GPR137: variants seen among roughly 807,000 people sequenced by gnomAD.
GPR137 encodes integral membrane protein GPR137.
In GPR137, 20 loss-of-function variants were observed where a neutral mutation model predicts 38.9. The observed-to-expected ratio is 0.51, with a 90% CI of 0.36 to 0.75. The LOEUF (loss-of-function observed/expected upper bound fraction) is 0.75, where lower values mean the gene tolerates loss of function less well. Among genes scored for constraint, GPR137 ranks in the 30% least tolerant of loss-of-function variants. The pLI, the probability that GPR137 is intolerant of heterozygous loss-of-function variation, is 0.00. For synonymous variants in GPR137, 226 were observed against 235.8 expected, an observed-to-expected ratio of 0.96 and a Z score of 0.38; for missense variants, 456 against 526.4, an observed-to-expected ratio of 0.87 and a Z score of 1.31.
intron 2 of GPR137, 33 bp downstream of exon 2, chr11:64,287,047 C>T (rs754380724): frequency 1.9e-6 from 3 of 1,607,204 alleles, no homozygotes; most frequent in Non-Finnish European, 2.5e-6. Flanking sequence ...GGCTCAGCCT[C>T]CAGGTCAGGG....
At position 64,288,279 on chromosome 11, in the gene GPR137, C is replaced by T. The variant is rs959622838; in HGVS notation, c.784-61C>T. 39 of 1,611,426 alleles carry T rather than the reference C, an allele frequency of 2.4e-5. 1 individual carries two copies. Among genetic ancestry groups the T allele is most frequent in the Non-Finnish European group, 3.1e-5 (37 of 1,178,944 alleles). ...GCACCTTGGCCCCAGCTGGCCTGGG[C>T]CCTGTCCCACTACCCCTTTGGCGTG... On this transcript the variant is annotated intron_variant, in intron 4 of 6. Coordinates refer to ENST00000438980, the MANE Select transcript of GPR137 (RefSeq NM_001170880.2). This position sits in a 1 kb window ranked among gnomAD's most constrained non-coding sequence, Gnocchi z 5.5.
At chr11:64,284,267 G>T, upstream of GPR137, 2 of 1,611,318 alleles carry the variant, frequency 1.2e-6, no homozygotes. Flanking sequence ...GATGCTTGCC[G>T]GAGCCTGAGG....
At chr11:64,279,798 C>T (rs2033318778), upstream of GPR137, among the ~76,000 whole-genome samples, 1 of 151,408 alleles carries the variant, frequency 6.6e-6, no homozygotes, top group Admixed American at 6.6e-5. Flanking sequence ...CCCTCTATCC[C>T]ACCCTCTAGG....
chr11:64,284,563 A>C, upstream of GPR137: 1 of 1,494,722 alleles, frequency 6.7e-7, no homozygotes, highest in Non-Finnish European at 8.9e-7. Flanking sequence ...TCAGGACCTC[A>C]GTCTCCCCTC....
At chr11:64,284,259 T>A (rs1315803367), upstream of GPR137, 1 of 1,611,272 alleles carries the variant, frequency 6.2e-7, no homozygotes, top group Admixed American at 1.7e-5. Flanking sequence ...CTGGCGATGA[T>A]GCTTGCCGGA....
At chr11:64,271,873 C>A (rs1264387144), upstream of GPR137, 120 of 1,242,912 alleles carry the variant, frequency 9.7e-5, no homozygotes. Context: ...CCTGCCTGAA[C>A]CCTCCCCATC....
upstream of GPR137, among the ~76,000 whole-genome samples, chr11:64,274,992 C>CAAAAAAAAAAAAA (rs34418386): frequency 1.1e-4 from 6 of 54,398 alleles, 1 homozygote; most frequent in African/African-American, 4.6e-4. Flanking sequence ...GACTTTGTCT[C>CAAAAAAAAAAAAA]AAAAAAAAAA....
chr11:64,285,603 T>A (rs1316280041), upstream of GPR137: 1 of 983,852 alleles, frequency 1.0e-6, no homozygotes, highest in Non-Finnish European at 1.2e-6. Flanking sequence ...CGGACCCCCA[T>A]ACAAGTAAAG....
intron 2 of GPR137, 96 bp downstream of exon 2, chr11:64,287,110 G>A: frequency 6.6e-7 from 1 of 1,521,384 alleles, no homozygotes; most frequent in Non-Finnish European, 8.9e-7. Context: ...CTGAGACAAA[G>A]GCAACCCAGG....
At chr11:64,273,265 C>G (rs1295750057), upstream of GPR137, among the ~76,000 whole-genome samples, 3 of 151,960 alleles carry the variant, frequency 2.0e-5, no homozygotes, top group African/African-American at 4.8e-5. Flanking sequence ...CCCAGCCACT[C>G]AGGAGGCTGA....
At chr11:64,284,856 C>T (rs543422577), upstream of GPR137, 2 of 1,495,644 alleles carry the variant, frequency 1.3e-6, no homozygotes, top group African/African-American at 1.4e-5. Context: ...CCTCCTTCGG[C>T]CCCGGGGCTC....
chr11:64,284,774 A>G, upstream of GPR137: 17 of 1,534,522 alleles, frequency 1.1e-5, no homozygotes, highest in Non-Finnish European at 1.5e-5. Flanking sequence ...GTAGGTCCAG[A>G]GGCGGGGTCA....
chr11:64,279,072 T>C (rs1175475266), intron 2 of GPR137, among the ~76,000 whole-genome samples: 7 of 152,156 alleles, frequency 4.6e-5, no homozygotes, highest in African/African-American at 1.7e-4. Context: ...AGAATGTTAC[T>C]CCTGTCCTCT....
intron 2 of GPR137, chr11:64,277,069 G>C (rs929495350): frequency 1.4e-6 from 1 of 702,204 alleles, no homozygotes; most frequent in Non-Finnish European, 2.7e-6. Context: ...GGAAACAGAG[G>C]CACACTTAAT....
chr11:64,274,992 C>CA (rs34418386), upstream of GPR137, among the ~76,000 whole-genome samples: 410 of 54,078 alleles, frequency 7.6e-3, 7 homozygotes, highest in Admixed American at 0.012. Flanking sequence ...GACTTTGTCT[C>CA]AAAAAAAAAA....
At chr11:64,279,548 C>T (rs1210160190), upstream of GPR137, among the ~76,000 whole-genome samples, 3 of 151,856 alleles carry the variant, frequency 2.0e-5, no homozygotes, top group African/African-American at 4.8e-5. Context: ...GGGTGGATCA[C>T]GAGGTCAGGA....
At chr11:64,280,121 T>TC (rs529314639), upstream of GPR137, among the ~76,000 whole-genome samples, 1,668 of 151,350 alleles carry the variant, frequency 0.011, 19 homozygotes, top group Non-Finnish European at 0.018. Flanking sequence ...ATCGAGACCA[T>TC]CCTGGCTAAC....
chr11:64,274,654 C>G (rs1369676257), upstream of GPR137, among the ~76,000 whole-genome samples: 1 of 152,124 alleles, frequency 6.6e-6, no homozygotes, highest in African/African-American at 2.4e-5. Context: ...AACCCTGTCT[C>G]TACTAAAAAC....
chr11:64,272,490 G>C (rs2032710239), upstream of GPR137, among the ~76,000 whole-genome samples: 1 of 152,152 alleles, frequency 6.6e-6, no homozygotes, highest in Non-Finnish European at 1.5e-5. Context: ...TCCTCTGCAA[G>C]GGACCTGCAG....
Sources: gnomAD v4.1 joint callset for allele counts (sites outside exome capture counted in the v4.1 genomes callset) on GRCh38, gnomAD v4.1.1 for gene constraint, Gnocchi (gnomAD v3.1) non-coding constraint, MANE v1.5 for transcripts, NCBI Gene and HGNC (gene_info 2026-07-23, HGNC 2026-07-21) for gene names.